Variants in CNTNAP2 observed in about 807,000 individuals in gnomAD.
CNTNAP2 encodes contactin-associated protein-like 2.
Under a neutral mutation model 155.2 loss-of-function variants are expected in CNTNAP2, and 98 were observed. The observed-to-expected ratio is 0.63, with a 90% confidence interval of 0.54 to 0.75. The LOEUF (loss-of-function observed/expected upper bound fraction) is 0.75. CNTNAP2 is among the 30% of genes least tolerant of loss of function. The pLI, the probability that CNTNAP2 is intolerant of heterozygous loss-of-function variation, is 0.00. For synonymous variants in CNTNAP2, 651 were observed against 631.2 expected (o/e 1.03, Z -0.47); for missense variants, 1,727 against 1,688.1 (o/e 1.02, Z -0.40).
chr7:147,040,232 C>T (rs752727402), intron 3 of CNTNAP2, among the ~76,000 whole-genome samples: 2 of 152,090 alleles, frequency 1.3e-5, no homozygotes, highest in Non-Finnish European at 2.9e-5. Context: ...ATGAAAACTG[C>T]AACTCTGTCT....
At chr7:147,627,554 G>A (rs944528759) in intron 12 of CNTNAP2, among the ~76,000 whole-genome samples, 2 of 151,816 alleles carry the variant, frequency 1.3e-5, no homozygotes, top group Non-Finnish European at 1.5e-5. Context: ...AAAGTTTGGT[G>A]TGTGGTGGGC....
At chr7:147,223,337 A>C (rs1319809413) in intron 8 of CNTNAP2, among the ~76,000 whole-genome samples, 1 of 152,172 alleles carries the variant, frequency 6.6e-6, no homozygotes, top group African/African-American at 2.4e-5. Context: ...ACATTCCATG[A>C]AGCAGATTTA....
At chr7:147,975,385 GGT>G (rs372683298) in intron 14 of CNTNAP2, among the ~76,000 whole-genome samples, 26 of 151,162 alleles carry the variant, frequency 1.7e-4, no homozygotes, top group African/African-American at 5.3e-4. Context: ...GTTGTACAGG[GGT>G]GTGTGTGTGT....
intron 11 of CNTNAP2, among the ~76,000 whole-genome samples, chr7:147,517,830 T>A (rs1799155358): frequency 6.6e-6 from 1 of 152,324 alleles, no homozygotes; most frequent in East Asian, 1.9e-4. Context: ...TAGCCAGTCA[T>A]TTTAGTGTCT....
intron 12 of CNTNAP2, among the ~76,000 whole-genome samples, chr7:147,576,111 T>TC (rs1351831653): frequency 6.3e-5 from 1 of 15,864 alleles, no homozygotes; most frequent in Admixed American, 7.5e-4. Flanking sequence ...TATTTGAAAA[T>TC]TTTTTTCTTC....
chr7:147,121,288 AC>A, intron 6 of CNTNAP2, 125 bp downstream of exon 6: 5 of 921,868 alleles, frequency 5.4e-6, no homozygotes, highest in Non-Finnish European at 8.1e-6. Flanking sequence ...TAAACAAGAC[AC>A]TGACAATTTT....
At chr7:147,406,336 A>G (rs963086836) in intron 10 of CNTNAP2, among the ~76,000 whole-genome samples, 2 of 152,200 alleles carry the variant, frequency 1.3e-5, no homozygotes, top group Non-Finnish European at 2.9e-5. Flanking sequence ...GCATTTGAAA[A>G]TAACATTTTG....
chr7:147,359,338 A>G (rs1257268125), intron 9 of CNTNAP2, among the ~76,000 whole-genome samples: 4 of 152,102 alleles, frequency 2.6e-5, no homozygotes, highest in Admixed American at 6.6e-5. Flanking sequence ...CCGAGCCCCT[A>G]TAGCTGTCAC....
chr7:147,953,507 A>T (rs1208841762), intron 14 of CNTNAP2, among the ~76,000 whole-genome samples: 3 of 152,192 alleles, frequency 2.0e-5, no homozygotes, highest in African/African-American at 7.2e-5. Context: ...CATGTCCTGC[A>T]CATGTATCCT....
chr7:148,148,591 G>C (rs1438505259), intron 17 of CNTNAP2, among the ~76,000 whole-genome samples: 1 of 152,212 alleles, frequency 6.6e-6, no homozygotes, highest in Non-Finnish European at 1.5e-5. Flanking sequence ...CTTGGTTGCT[G>C]TTCATATTCA....
chr7:147,650,499 T>C (rs936829313), intron 13 of CNTNAP2, among the ~76,000 whole-genome samples: 2 of 152,142 alleles, frequency 1.3e-5, no homozygotes, highest in African/African-American at 2.4e-5. Flanking sequence ...AACATGAAGA[T>C]ATGAGGATGA....
At chr7:147,837,688 C>T (rs139818874) in intron 13 of CNTNAP2, among the ~76,000 whole-genome samples, 3 of 152,306 alleles carry the variant, frequency 2.0e-5, no homozygotes, top group Non-Finnish European at 4.4e-5. Context: ...TAGATAAATA[C>T]ATCATTCCAA....
intron 1 of CNTNAP2, among the ~76,000 whole-genome samples, chr7:146,224,655 G>A (rs957529625): frequency 5.9e-5 from 9 of 151,890 alleles, no homozygotes; most frequent in African/African-American, 1.9e-4. Context: ...TGTAGTCCCA[G>A]CTACTCAGGA....
At chr7:146,970,741 G>A (rs912167536) in intron 3 of CNTNAP2, among the ~76,000 whole-genome samples, 1 of 152,072 alleles carries the variant, frequency 6.6e-6, no homozygotes, top group African/African-American at 2.4e-5. Flanking sequence ...AAATCATGCT[G>A]CTATAAAAAC....
intron 13 of CNTNAP2, among the ~76,000 whole-genome samples, chr7:147,803,869 T>C (rs1046457977): frequency 6.6e-6 from 1 of 152,208 alleles, no homozygotes; most frequent in African/African-American, 2.4e-5. Context: ...CTCTCCACAA[T>C]GGGGAAACGA....
intron 13 of CNTNAP2, among the ~76,000 whole-genome samples, chr7:147,819,482 A>C (rs1798328389): frequency 6.6e-6 from 1 of 152,106 alleles, no homozygotes; most frequent in Admixed American, 6.6e-5. Context: ...CCTTTATTTA[A>C]ATTTTACTTA....
chr7:148,007,795 C>A (rs1274338797), intron 15 of CNTNAP2, among the ~76,000 whole-genome samples: 1 of 152,112 alleles, frequency 6.6e-6, no homozygotes, highest in Non-Finnish European at 1.5e-5. Context: ...TACTTGCATT[C>A]CATACTCATT....
intron 21 of CNTNAP2, among the ~76,000 whole-genome samples, chr7:148,276,128 C>T (rs1440685723): frequency 6.6e-6 from 1 of 152,150 alleles, no homozygotes; most frequent in African/African-American, 2.4e-5. Context: ...CCTGCCAGGA[C>T]AAGAGTACAT....
intron 1 of CNTNAP2, among the ~76,000 whole-genome samples, chr7:146,465,392 C>T (rs1396160092): frequency 4.6e-5 from 7 of 152,138 alleles, no homozygotes; most frequent in Admixed American, 4.6e-4. Flanking sequence ...AGTCAGAAAC[C>T]TACCCAGCTG....
Sources: allele counts gnomAD v4.1 joint callset (sites outside exome capture counted in the v4.1 genomes callset), GRCh38; gene constraint gnomAD v4.1.1; transcripts MANE v1.5; gene names NCBI Gene and HGNC (gene_info 2026-07-23, HGNC 2026-07-21).